The following WIPF3 variants were observed in gnomAD, a reference collection of about 807,000 sequenced individuals.
WIPF3 encodes the protein WAS/WASL-interacting protein family member 3.
Under a neutral mutation model 38.9 loss-of-function variants are expected in WIPF3, and 33 were observed. That is an observed-to-expected ratio of 0.85 (90% confidence interval 0.64 to 1.14). The LOEUF is 1.14. Ranked by LOEUF, WIPF3 falls within the 50% of genes most tolerant of loss-of-function variation. The pLI, the probability that WIPF3 is intolerant of heterozygous loss-of-function variation, is 0.00. For synonymous variants in WIPF3, 324 were observed against 269.3 expected, an observed-to-expected ratio of 1.20 and a Z score of -1.99; for missense variants, 711 against 652.5, an observed-to-expected ratio of 1.09 and a Z score of -0.98.
At chr7:29,873,215 A>T (rs10252853) in intron 2 of WIPF3, among the ~76,000 whole-genome samples, 21,040 of 152,170 alleles carry the variant, frequency 0.14, 1,587 homozygotes, top group African/African-American at 0.2. Flanking sequence ...AGGGCTAGTG[A>T]GGGATGGGGT....
At chr7:29,811,777 C>T (rs1475653722) in intron 1 of WIPF3, among the ~76,000 whole-genome samples, 1 of 152,182 alleles carries the variant, frequency 6.6e-6, no homozygotes, top group Non-Finnish European at 1.5e-5. Context: ...GTTCCGGAGA[C>T]ATAATCCCAC....
chr7:29,883,795 G>A (rs1175013179), intron 4 of WIPF3, 55 bp from the exon 5 acceptor site: 1 of 1,503,870 alleles, frequency 6.6e-7, no homozygotes, highest in African/African-American at 1.4e-5. Flanking sequence ...GCCTACCTGC[G>A]GGGGCTTTCT....
intron 7 of WIPF3, among the ~76,000 whole-genome samples, chr7:29,895,403 C>T (rs555396379): frequency 4.4e-4 from 67 of 152,146 alleles, no homozygotes; most frequent in African/African-American, 1.6e-3. Context: ...GCACTATTCA[C>T]AATAGCTAAA....
chr7:29,863,884 GT>G (rs1404729812), intron 2 of WIPF3, among the ~76,000 whole-genome samples: 1 of 152,132 alleles, frequency 6.6e-6, no homozygotes, highest in Non-Finnish European at 1.5e-5. Context: ...ACAGTATATA[GT>G]TTTGTGTACT....
At chr7:29,872,812 A>AG (rs1785522561) in intron 2 of WIPF3, among the ~76,000 whole-genome samples, 2 of 150,244 alleles carry the variant, frequency 1.3e-5, no homozygotes, top group Non-Finnish European at 3.0e-5. Context: ...AAAAAAAAAA[A>AG]AAAAAAAAAA....
rs940108241 is a variant in WIPF3 at position 29,811,003 on chromosome 7, C to T, written c.-58+4325C>T. ...TCCCACACTCAAGTGATCCTCCCACCTCAGCCTCCTGAGGAATTGGAACTA... is the reference window on the plus strand; with the variant it reads ...TCCCACACTCAAGTGATCCTCCCACTTCAGCCTCCTGAGGAATTGGAACTA... On this transcript the variant is annotated intron_variant, in intron 1 of 8. Coordinates refer to ENST00000242140, the MANE Select transcript of WIPF3 (RefSeq NM_001080529.3). 5.3e-5 allele frequency among the ~76,000 whole-genome samples: 8 copies of T among 152,284 alleles called. No homozygotes were observed. In the East Asian group the frequency reaches 1.3e-3, roughly 26 times the overall value.
intron 1 of WIPF3, among the ~76,000 whole-genome samples, chr7:29,827,343 G>A (rs1784631315): frequency 6.6e-6 from 1 of 152,182 alleles, no homozygotes; most frequent in Admixed American, 6.5e-5. Context: ...CTCATTAAAT[G>A]ACAAGAAAGT....
chr7:29,883,640 A>G (rs752602827), intron 4 of WIPF3, among the ~76,000 whole-genome samples: 1 of 152,158 alleles, frequency 6.6e-6, no homozygotes, highest in Non-Finnish European at 1.5e-5. Context: ...TGGGCTTGTC[A>G]TTAATGCTGG....
At chr7:29,882,149 C>G (rs141582297) in intron 4 of WIPF3, among the ~76,000 whole-genome samples, 21 of 152,316 alleles carry the variant, frequency 1.4e-4, no homozygotes, top group African/African-American at 4.6e-4. Context: ...CACAGGATCC[C>G]CTACTTTTAA....
intron 7 of WIPF3, among the ~76,000 whole-genome samples, chr7:29,902,348 C>G (rs1027544440): frequency 7.3e-6 from 1 of 137,420 alleles, no homozygotes; most frequent in Non-Finnish European, 1.5e-5. Context: ...ATATTTTGCT[C>G]TAAAATATCT....
rs144937402 is a variant in WIPF3 at position 29,907,135 on chromosome 7, T to C, written c.1428+2773T>C. On this transcript the variant is annotated intron_variant, in intron 8 of 8. Coordinates refer to ENST00000242140, the MANE Select transcript of WIPF3 (RefSeq NM_001080529.3). ...GGCCAATTATAAAATCTAATATTAT[T>C]GTAACAACAGTTTGTAACTATACTT... 1.8e-4 allele frequency among the ~76,000 whole-genome samples: 28 copies of C among 152,360 alleles called. No homozygotes were observed. In the East Asian group the frequency reaches 5.0e-3, roughly 27 times the overall value.
intron 8 of WIPF3, chr7:29,912,775 T>G (rs113785648): frequency 6.6e-6 from 1 of 152,408 alleles, no homozygotes; most frequent in Non-Finnish European, 1.5e-5. Context: ...TGCTTCAACA[T>G]GGATGAACTT....
rs537406947 is a variant in WIPF3 at position 29,853,414 on chromosome 7, G to C, written c.90+18600G>C. Among the ~76,000 whole-genome samples, 261 of 152,322 alleles carry C rather than the reference G, an allele frequency of 1.7e-3. 2 individuals carry two copies. The highest frequency in any genetic ancestry group is 5.9e-3 in the African/African-American group (247 of 41,566). Reference sequence around the variant, plus strand: ...TCACAGGGACAGGTTCATAGGGGAAGAAACAGGCACAGTGAGCTCCAGTGC... The same window carrying C: ...TCACAGGGACAGGTTCATAGGGGAACAAACAGGCACAGTGAGCTCCAGTGC... On this transcript the variant is annotated intron_variant, in intron 2 of 8. Transcript: ENST00000242140.
chr7:29,819,494 A>G (rs1041476647), intron 1 of WIPF3, among the ~76,000 whole-genome samples: 1 of 151,958 alleles, frequency 6.6e-6, no homozygotes, highest in Non-Finnish European at 1.5e-5. Flanking sequence ...TATTCATTTA[A>G]ACATTTATCT....
intron 1 of WIPF3, among the ~76,000 whole-genome samples, chr7:29,807,875 T>G (rs1406243142): frequency 6.6e-6 from 1 of 152,212 alleles, no homozygotes; most frequent in East Asian, 1.9e-4. Flanking sequence ...TTCCAGAATC[T>G]TTTCTCACTT....
chr7:29,897,605 C>G (rs865824811), intron 7 of WIPF3, among the ~76,000 whole-genome samples: 1 of 152,140 alleles, frequency 6.6e-6, no homozygotes, highest in African/African-American at 2.4e-5. Context: ...AGTAAAAACA[C>G]GCACCGTTAT....
At chr7:29,855,506 C>A (rs1785172574) in intron 2 of WIPF3, among the ~76,000 whole-genome samples, 1 of 152,206 alleles carries the variant, frequency 6.6e-6, no homozygotes, top group African/African-American at 2.4e-5. Context: ...TCTCAGCATT[C>A]ATTATAGGAC....
chr7:29,848,263 C>T (rs1385673033), intron 2 of WIPF3, among the ~76,000 whole-genome samples: 2 of 152,190 alleles, frequency 1.3e-5, no homozygotes, highest in Non-Finnish European at 2.9e-5. Flanking sequence ...GCATCCACTC[C>T]AGTGAGATGG....
Position 29,884,012 on chromosome 7 carries a change from C to A in WIPF3, c.518C>A (p.Ala173Asp). The change falls in exon 5 of 9, where the codon GCC (alanine) becomes GAC (aspartate). Residue 173 changes from alanine (A) to aspartate (D), a missense_variant. Physicochemically the swap from Ala to Asp is moderately radical, Grantham distance 126. Coordinates refer to ENST00000242140, the MANE Select transcript of WIPF3 (RefSeq NM_001080529.3). ...GCCCCGCCTCGCCCCAACGTGCCTGCCCCGCCCCCTCCCACCCCACCCCCT... is the reference window on the plus strand; with the variant it reads ...GCCCCGCCTCGCCCCAACGTGCCTGACCCGCCCCCTCCCACCCCACCCCCT... ...RTAPPRPNVP[A>D]PPPPTPPPPP... 1.1e-6 allele frequency: 1 copy of A among 898,978 alleles called. No homozygotes were observed. The highest frequency in any genetic ancestry group is 7.1e-5 in the East Asian group (1 of 14,028). 55.7% of individuals were successfully genotyped at this position (898,978 alleles called of 1,614,324 possible). A position where few individuals can be genotyped will look rare whatever the true frequency, so the allele number is the denominator to read the frequency against.
Sources: gnomAD v4.1 joint callset for allele counts (sites outside exome capture counted in the v4.1 genomes callset) on GRCh38, gnomAD v4.1.1 for gene constraint, MANE v1.5 for transcripts, NCBI Gene and HGNC (gene_info 2026-07-23, HGNC 2026-07-21) for gene names.